Variants in SLC22A15 observed in about 807,000 individuals in gnomAD.
SLC22A15 encodes solute carrier family 22 member 15.
Under a neutral mutation model 62.7 loss-of-function variants are expected in SLC22A15, and 45 were observed. The ratio of observed to expected loss-of-function variants is 0.72; its 90% CI spans 0.56 to 0.92. The LOEUF (loss-of-function observed/expected upper bound fraction) is 0.92, where lower values mean the gene tolerates loss of function less well. SLC22A15 is among the 40% of genes least tolerant of loss of function. SLC22A15 has a pLI of 0.00. For missense variants in SLC22A15, 622 were observed against 665.6 expected, an observed-to-expected ratio of 0.93 and a Z score of 0.72; for synonymous variants, 264 against 267.0, an observed-to-expected ratio of 0.99 and a Z score of 0.11.
chr1:116,049,196 G>T (rs1345124594), intron 8 of SLC22A15, among the ~76,000 whole-genome samples: 1 of 152,114 alleles, frequency 6.6e-6, no homozygotes, highest in African/African-American at 2.4e-5. Context: ...AGGTCATCAA[G>T]ACAAAATCAA....
intron 8 of SLC22A15, among the ~76,000 whole-genome samples, chr1:116,058,703 C>T (rs948386716): frequency 5.3e-5 from 8 of 152,138 alleles, no homozygotes; most frequent in African/African-American, 9.7e-5. Flanking sequence ...ATTACAAAAT[C>T]GTGGAACCAA....
At chr1:115,995,281 T>G (rs986928222) in intron 2 of SLC22A15, among the ~76,000 whole-genome samples, 2 of 152,206 alleles carry the variant, frequency 1.3e-5, no homozygotes, top group Non-Finnish European at 2.9e-5. Context: ...AATAGAAAAC[T>G]ATGGGGAATC....
chr1:116,066,747 T>G (rs374614251), intron 11 of SLC22A15, 39 bp downstream of exon 11: 1 of 1,533,088 alleles, frequency 6.5e-7, no homozygotes, highest in Non-Finnish European at 8.8e-7. Context: ...GCTTGGATAG[T>G]GGCAGTTAAT....
intron 7 of SLC22A15, among the ~76,000 whole-genome samples, chr1:116,037,076 TCA>T (rs905659801): frequency 6.6e-6 from 1 of 152,212 alleles, no homozygotes; most frequent in African/African-American, 2.4e-5. Context: ...TGCCCTTTTC[TCA>T]CACAAATCAC....
At chr1:115,983,604 G>T (rs1654716693) in intron 1 of SLC22A15, among the ~76,000 whole-genome samples, 1 of 152,218 alleles carries the variant, frequency 6.6e-6, no homozygotes, top group Non-Finnish European at 1.5e-5. Context: ...AAGTCTGCAG[G>T]ACAGGCAGTC....
intron 8 of SLC22A15, among the ~76,000 whole-genome samples, chr1:116,037,960 C>T (rs1250440713): frequency 3.3e-5 from 5 of 152,234 alleles, no homozygotes; most frequent in Non-Finnish European, 1.5e-5. Context: ...TATGCAAACA[C>T]AGCTTCAAGA....
intron 7 of SLC22A15, 119 bp downstream of exon 7, chr1:116,035,446 C>A: frequency 1.3e-6 from 1 of 779,458 alleles, no homozygotes; most frequent in Non-Finnish European, 1.8e-6. Context: ...CAGCTGATTG[C>A]TCTGTGGTGA....
chr1:116,043,266 A>G (rs1207401413), intron 8 of SLC22A15, among the ~76,000 whole-genome samples: 1 of 152,154 alleles, frequency 6.6e-6, no homozygotes, highest in Non-Finnish European at 1.5e-5. Context: ...TCTAATAAAA[A>G]TACAAAAATA....
intron 2 of SLC22A15, among the ~76,000 whole-genome samples, chr1:116,002,776 A>G (rs144207614): frequency 4.1e-4 from 63 of 152,098 alleles, no homozygotes; most frequent in African/African-American, 1.3e-3. Context: ...ATGGGTTTAG[A>G]AATTCCATGT....
Position 116,026,918 on chromosome 1 carries a change from A to C in SLC22A15, c.624A>C (p.Ala208=). The change falls in exon 5 of 12, where the codon GCA becomes GCC. Residue 208 remains alanine, a synonymous_variant. Coordinates refer to ENST00000369503, the MANE Select transcript of SLC22A15 (RefSeq NM_018420.3). ...LAGSIGGLFF[A]VGIAQYALLG... ...GATCGATTGGCGGCCTGTTCTTTGC[A>C]GTTGGCATTGCCCAATATGCCCTGT... The C allele has an allele frequency of 6.2e-7, 1 of 1,613,614 alleles. No homozygotes were observed. Among genetic ancestry groups the C allele is most frequent in the Non-Finnish European group, 8.5e-7 (1 of 1,179,854 alleles).
In SLC22A15 at chr1:115,976,651, G is replaced by T; in HGVS notation, c.24G>T (p.Gln8His). ...CCATGGAGGTGGAGGAGGCGTTCCA[G>T]GCGGTGGGGGAGATGGGCATCTACC... The part of the protein sequence containing the change: MEVEEAF[Q>H]AVGEMGIYQM... Residue 8 changes from glutamine to histidine, a missense_variant, in exon 1 of 12, where the codon CAG becomes CAT. By Grantham distance (24) the Gln-to-His change is conservative (BLOSUM62 0). Coordinates refer to ENST00000369503, the MANE Select transcript of SLC22A15 (RefSeq NM_018420.3). 6.3e-7 allele frequency: 1 copy of T among 1,586,736 alleles called. No individual in the cohort carries two copies. Among genetic ancestry groups the T allele is most frequent in the Middle Eastern group, 1.7e-4 (1 of 5,808 alleles).
rs1352832420 is a variant in SLC22A15 at position 116,055,714 on chromosome 1, A to G, written c.1172-7048A>G. On this transcript the variant is annotated intron_variant, in intron 8 of 11. Transcript: ENST00000369503. The stretch of plus-strand genomic sequence containing the variant: ...GCAAAAAGCTTATCCACCATGATCA[A>G]GTGGGTTTCATCCCTGGGATGCAAG... Among the ~76,000 whole-genome samples the G allele has an allele frequency of 1.7e-3, 257 of 151,686 alleles. 1 individual carries two copies. Among genetic ancestry groups the G allele is most frequent in the Middle Eastern group, 3.4e-3 (1 of 294 alleles).
intron 6 of SLC22A15, among the ~76,000 whole-genome samples, chr1:116,032,964 TAAAC>T (rs971448892): frequency 3.3e-5 from 5 of 152,220 alleles, no homozygotes; most frequent in Admixed American, 6.5e-5. Context: ...CTTCAATGGA[TAAAC>T]AAACAAACAA....
At chr1:116,008,876 G>C (rs921889086) in intron 2 of SLC22A15, among the ~76,000 whole-genome samples, 8 of 152,136 alleles carry the variant, frequency 5.3e-5, no homozygotes, top group African/African-American at 1.7e-4. Flanking sequence ...TGGTGTCAGC[G>C]TCTGCCTTCT....
chr1:116,054,392 C>A (rs1036097886), intron 8 of SLC22A15, among the ~76,000 whole-genome samples: 1 of 151,748 alleles, frequency 6.6e-6, no homozygotes, highest in African/African-American at 2.4e-5. Flanking sequence ...CAGGAGCACC[C>A]AGATTCATAA....
In SLC22A15 at chr1:115,980,567, A is replaced by T. The variant is rs544386609; in HGVS notation, c.87+3853A>T. ...CAATGTTAAGTGAAAAAAAAGCAGA[A>T]CAGTGTATACTATGTGACACATATT... On this transcript the variant is annotated intron_variant, in intron 1 of 11. Coordinates refer to ENST00000369503, the MANE Select transcript of SLC22A15 (RefSeq NM_018420.3). Among the ~76,000 whole-genome samples, 9 of 152,372 alleles carry T rather than the reference A, an allele frequency of 5.9e-5. No homozygotes were observed. In the South Asian group the frequency reaches 1.9e-3, roughly 32 times the overall value.
chr1:115,994,827 A>G (rs1655339271), intron 2 of SLC22A15, among the ~76,000 whole-genome samples: 1 of 152,224 alleles, frequency 6.6e-6, no homozygotes, highest in Non-Finnish European at 1.5e-5. Context: ...TATTTAAACT[A>G]TACCTAGTTG....
chr1:115,980,784 T>G (rs1570679250), intron 1 of SLC22A15, among the ~76,000 whole-genome samples: 1 of 152,188 alleles, frequency 6.6e-6, no homozygotes. Flanking sequence ...TGTTATCATT[T>G]GTTAATTGTG....
chr1:116,047,669 A>G (rs1045966960), intron 8 of SLC22A15, among the ~76,000 whole-genome samples: 1 of 152,184 alleles, frequency 6.6e-6, no homozygotes, highest in Non-Finnish European at 1.5e-5. Flanking sequence ...AGCCACATCC[A>G]TAGGAAAAGG....
Sources: gnomAD v4.1 joint callset for allele counts (sites outside exome capture counted in the v4.1 genomes callset) on GRCh38, gnomAD v4.1.1 for gene constraint, MANE v1.5 for transcripts, NCBI Gene and HGNC (gene_info 2026-07-23, HGNC 2026-07-21) for gene names.